The following ZNF655 variants were observed in gnomAD, a reference collection of about 807,000 sequenced individuals.
ZNF655 encodes the protein Vav-interacting Kruppel-like protein 1.
ZNF655 carries 3 observed loss-of-function variants against 6.6 expected under a neutral mutation model. The observed-to-expected ratio is 0.46, with a 90% CI of 0.21 to 1.18. ZNF655 has a LOEUF of 1.18. Ranked by LOEUF, ZNF655 falls within the 50% of genes most tolerant of loss-of-function variation. The probability of loss-of-function intolerance (pLI) is 0.24; values close to 1 mark genes in which losing one functional copy is unlikely to be tolerated. For synonymous variants in ZNF655, 178 were observed against 195.0 expected (o/e 0.91, Z 0.73); for missense variants, 526 against 572.3 (o/e 0.92, Z 0.83).
Position 99,564,214 on chromosome 7 carries a change from A to G in ZNF655, c.136+3519A>G. On this transcript the variant is annotated intron_variant, in intron 2 of 2. Coordinates refer to ENST00000252713, the MANE Select transcript of ZNF655 (RefSeq NM_138494.3). ...TATGTTTTGAACCCAGTTCATTCAG[A>G]AACCATGGTTGGTGGTCATCATCTA... 6 of 1,365,406 alleles carry G rather than the reference A, an allele frequency of 4.4e-6. No individual in the cohort carries two copies. In the South Asian group the frequency reaches 9.5e-5, roughly 22 times the overall value. 84.6% of individuals were successfully genotyped at this position (1,365,406 alleles called of 1,614,324 possible).
chr7:99,571,732 G>C (rs1274393959), intron 2 of ZNF655: 8 of 1,610,524 alleles, frequency 5.0e-6, no homozygotes, highest in Non-Finnish European at 6.8e-6. Flanking sequence ...GCTGGAACAG[G>C]ATCTACAGGT....
Position 99,560,882 on chromosome 7 carries a change from C to T in ZNF655, c.136+187C>T, listed in dbSNP as rs914272298. On this transcript the variant is annotated intron_variant, in intron 2 of 2. Transcript: ENST00000252713. ...GTCTGAGCCCCTTTATTAAGGATAG[C>T]TCATCTTTCTCAAATAAGCAGAGTG... 5.0e-5 allele frequency: 27 copies of T among 542,788 alleles called. No homozygotes were observed. In the Middle Eastern group the frequency reaches 1.5e-3, roughly 30 times the overall value. 33.6% of individuals were successfully genotyped at this position (542,788 alleles called of 1,614,324 possible).
rs1182015456 is a variant in ZNF655, at chr7:99,575,719, A to T, written c.*2135A>T. Reference sequence around the variant, plus strand: ...AAAATTTTAACCATTAGGATTGCAGATAAATGTTTGAATTCTGCTCCTCTC... The same window carrying T: ...AAAATTTTAACCATTAGGATTGCAGTTAAATGTTTGAATTCTGCTCCTCTC... On this transcript the variant is annotated 3_prime_UTR_variant, in exon 3 of 3. Transcript: ENST00000252713. 1 of 152,166 alleles carries T rather than the reference A, an allele frequency of 6.6e-6. No individual in the cohort carries two copies. 9.4% of individuals were successfully genotyped at this position (152,166 alleles called of 1,614,324 possible).
At chr7:99,562,140 C>T (rs1463928613) in intron 2 of ZNF655, 4 of 750,706 alleles carry the variant, frequency 5.3e-6, no homozygotes, top group East Asian at 3.0e-5. Context: ...AACCAACTTC[C>T]CATCTCCCCA....
intron 2 of ZNF655, among the ~76,000 whole-genome samples, chr7:99,565,170 A>T (rs1005781014): frequency 1.3e-5 from 2 of 151,856 alleles, no homozygotes; most frequent in African/African-American, 4.8e-5. Context: ...TAGGGTTGTA[A>T]GACTTTTTTT....
chr7:99,572,285 G>A lies in ZNF655; in HGVS notation c.177G>A (p.Lys59=). 6.2e-7 allele frequency: 1 copy of A among 1,610,898 alleles called. No individual in the cohort carries two copies. Among genetic ancestry groups the A allele is most frequent in the Non-Finnish European group, 8.5e-7 (1 of 1,179,224 alleles). The change falls in exon 3 of 3, where the codon AAG becomes AAA. Residue 59 remains lysine (K), a synonymous_variant. Coordinates refer to ENST00000252713, the MANE Select transcript of ZNF655 (RefSeq NM_138494.3). ...TREENKLLIP[K]QKISEEVHSY... ...AAGAGAACAAGCTGTTGATTCCTAA[G>A]CAGAAAATTTCGGAAGAAGTGCATT...
intron 2 of ZNF655, among the ~76,000 whole-genome samples, chr7:99,563,463 C>T (rs553278040): frequency 6.6e-6 from 1 of 152,210 alleles, no homozygotes; most frequent in Admixed American, 6.5e-5. Context: ...GGATTACAGG[C>T]ATGGGCCACC....
At position 99,572,491 on chromosome 7, in the gene ZNF655, A is replaced by G; in HGVS notation, c.383A>G (p.Asn128Ser). Reference protein sequence around the residue: ...ISKETFTSEKNNECHEPEKSF... With the variant: ...ISKETFTSEKSNECHEPEKSF... ...AAGGAAACCTTCACCAGTGAGAAGAACAATGAATGTCATGAACCCGAAAAA... is the reference window on the plus strand; with the variant it reads ...AAGGAAACCTTCACCAGTGAGAAGAGCAATGAATGTCATGAACCCGAAAAA... The change falls in exon 3 of 3, where the codon AAC (asparagine) becomes AGC (serine). Residue 128 changes from asparagine (N) to serine (S), a missense_variant. Physicochemically the swap from Asn to Ser is conservative, Grantham distance 46. Coordinates refer to ENST00000252713, the MANE Select transcript of ZNF655 (RefSeq NM_138494.3). The G allele has an allele frequency of 6.2e-7, 1 of 1,614,062 alleles. No homozygotes were observed. The highest frequency in any genetic ancestry group is 8.5e-7 in the Non-Finnish European group (1 of 1,179,966).
At chr7:99,560,868 TTTA>T (rs775969294) in intron 2 of ZNF655, 173 bp downstream of exon 2, 2 of 630,254 alleles carry the variant, frequency 3.2e-6, no homozygotes, top group Non-Finnish European at 5.0e-6. Context: ...TCTGAGCCCC[TTTA>T]TTAAGGATAG....
At chr7:99,562,510 T>C (rs749822721) in intron 2 of ZNF655, 14 of 1,605,854 alleles carry the variant, frequency 8.7e-6, no homozygotes, top group Non-Finnish European at 1.2e-5. Context: ...GACTTCCTTA[T>C]TATTCGGTTT....
intron 2 of ZNF655, among the ~76,000 whole-genome samples, chr7:99,569,528 A>G (rs1177739854): frequency 6.6e-6 from 1 of 152,188 alleles, no homozygotes; most frequent in Non-Finnish European, 1.5e-5. Flanking sequence ...GCAGGTTTGA[A>G]AACTAAGCAT....
In ZNF655 at chr7:99,572,982, C is replaced by T. The variant is rs1804194508; in HGVS notation, c.874C>T (p.Gln292Ter). ...CTGTAGTCCAAGCTCAGGCATAATT[C>T]AGCATAAGAAAATTCACACCAGAGC... ...KSCSPSSGII[Q>*]HKKIHTRAKS... Residue 292 changes from glutamine (Q) to a stop codon, truncating the protein, a stop_gained, in exon 3 of 3, where the codon CAG (glutamine) becomes TAG (stop). Coordinates refer to ENST00000252713, the MANE Select transcript of ZNF655 (RefSeq NM_138494.3). LOFTEE classifies it low-confidence loss of function (END_TRUNC). The T allele has an allele frequency of 6.2e-7, 1 of 1,614,138 alleles. No homozygotes were observed. Among genetic ancestry groups the T allele is most frequent in the Non-Finnish European group, 8.5e-7 (1 of 1,179,998 alleles).
intron 1 of ZNF655, among the ~76,000 whole-genome samples, chr7:99,559,658 C>CA (rs1306837420): frequency 6.6e-6 from 1 of 152,152 alleles, no homozygotes; most frequent in Admixed American, 6.5e-5. Context: ...GGTGGGCTGT[C>CA]ACGCTGTCAT....
chr7:99,573,070 A>G lies in ZNF655; in HGVS notation c.962A>G (p.His321Arg). 6.2e-7 allele frequency: 1 copy of G among 1,614,146 alleles called. No homozygotes were observed. Among genetic ancestry groups the G allele is most frequent in the Non-Finnish European group, 8.5e-7 (1 of 1,180,006 alleles). ...VFSRSVHLTQHQKIHKEMPCK... is the reference protein window; with the variant it reads ...VFSRSVHLTQRQKIHKEMPCK... The stretch of plus-strand genomic sequence containing the variant: ...AGTCGTAGTGTCCACCTTACTCAAC[A>G]TCAGAAAATTCACAAAGAGATGCCC... The change falls in exon 3 of 3, where the codon CAT becomes CGT. Residue 321 changes from histidine (H) to arginine (R), a missense_variant. Transcript: ENST00000252713.
intron 2 of ZNF655, among the ~76,000 whole-genome samples, chr7:99,565,878 GT>G (rs1361641841): frequency 6.6e-6 from 1 of 152,076 alleles, no homozygotes; most frequent in Non-Finnish European, 1.5e-5. Flanking sequence ...AAGGACTACA[GT>G]TATTTTGCAC....
At position 99,575,570 on chromosome 7, in the gene ZNF655, TACAC is replaced by T. The variant is rs34577641; in HGVS notation, c.*2004_*2007del. On this transcript the variant is annotated 3_prime_UTR_variant, in exon 3 of 3. Coordinates refer to ENST00000252713, the MANE Select transcript of ZNF655 (RefSeq NM_138494.3). ...ACAAAAAAACAAAAACAAAAAACCA[TACAC>T]ACACACACACACACACAAATCAGCA... The T allele has an allele frequency of 2.0e-5, 3 of 149,380 alleles. No individual in the cohort carries two copies. The highest frequency in any genetic ancestry group is 4.9e-5 in the African/African-American group (2 of 40,728). 9.3% of individuals were successfully genotyped at this position (149,380 alleles called of 1,614,324 possible).
At position 99,574,780 on chromosome 7, in the gene ZNF655, C is replaced by T. The variant is rs1175496120; in HGVS notation, c.*1196C>T. The T allele has an allele frequency of 6.6e-6, 1 of 152,136 alleles. No homozygotes were observed. The highest frequency in any genetic ancestry group is 1.5e-5 in the Non-Finnish European group (1 of 68,034). The allele number at this position is 152,136 out of a possible 1,614,324, so 9.4% of individuals were successfully genotyped here. ...TTACTAGGGATCTTATGTCGTATTG[C>T]TTTACAGCCACAACACTTGGATTCC... On this transcript the variant is annotated 3_prime_UTR_variant, in exon 3 of 3. Transcript: ENST00000252713.
At chr7:99,568,869 C>T (rs546795632) in intron 2 of ZNF655, among the ~76,000 whole-genome samples, 10 of 152,164 alleles carry the variant, frequency 6.6e-5, no homozygotes, top group Non-Finnish European at 1.2e-4. Flanking sequence ...TCTGCAGCCT[C>T]GGCCTTCTGA....
intron 2 of ZNF655, among the ~76,000 whole-genome samples, chr7:99,565,004 C>A (rs773495025): frequency 9.9e-5 from 15 of 152,262 alleles, no homozygotes; most frequent in Non-Finnish European, 2.1e-4. Context: ...TGAAAATTAA[C>A]CCATTTATGC....
Sources: allele counts gnomAD v4.1 joint callset (sites outside exome capture counted in the v4.1 genomes callset), GRCh38; gene constraint gnomAD v4.1.1; transcripts MANE v1.5; gene names NCBI Gene and HGNC (gene_info 2026-07-23, HGNC 2026-07-21).